CFAP299: variants seen among roughly 807,000 people sequenced by gnomAD.
CFAP299 encodes cilia- and flagella-associated protein 299.
Under a neutral mutation model 27.0 loss-of-function variants are expected in CFAP299, and 21 were observed. That is an observed-to-expected ratio of 0.78 (90% CI 0.55 to 1.12). The LOEUF (loss-of-function observed/expected upper bound fraction) is 1.12, where lower values mean the gene tolerates loss of function less well. CFAP299 is among the 50% of genes most tolerant of loss of function. CFAP299 has a pLI of 0.00. For synonymous variants in CFAP299, 104 were observed against 98.1 expected (o/e 1.06, Z -0.36); for missense variants, 310 against 276.6 (o/e 1.12, Z -0.86).
intron 3 of CFAP299, among the ~76,000 whole-genome samples, chr4:80,795,021 A>G (rs969916561): frequency 6.6e-6 from 1 of 152,074 alleles, no homozygotes; most frequent in Non-Finnish European, 1.5e-5. Flanking sequence ...CACTTTGTTC[A>G]TGGGCCCATT....
At chr4:80,561,089 C>G (rs546966144) in intron 2 of CFAP299, among the ~76,000 whole-genome samples, 1 of 152,112 alleles carries the variant, frequency 6.6e-6, no homozygotes, top group Non-Finnish European at 1.5e-5. Flanking sequence ...GTCACTCCAC[C>G]CCCAGCTTTA....
At chr4:80,717,055 T>C (rs1722527653) in intron 3 of CFAP299, among the ~76,000 whole-genome samples, 1 of 152,152 alleles carries the variant, frequency 6.6e-6, no homozygotes, top group South Asian at 2.1e-4. Context: ...GTAACCAATG[T>C]TGTGTAAAAT....
intron 3 of CFAP299, among the ~76,000 whole-genome samples, chr4:80,639,379 T>C (rs1253735883): frequency 6.6e-6 from 1 of 152,152 alleles, no homozygotes; most frequent in East Asian, 1.9e-4. Flanking sequence ...CATGGAGATG[T>C]TTTTTGGTGT....
intron 2 of CFAP299, among the ~76,000 whole-genome samples, chr4:80,465,545 A>G (rs188800412): frequency 1.4e-4 from 22 of 152,268 alleles, no homozygotes; most frequent in Middle Eastern, 3.4e-3. Context: ...ATGTGCTACA[A>G]CTTCCTATAT....
intron 2 of CFAP299, among the ~76,000 whole-genome samples, chr4:80,447,123 T>TTTTTTTG (rs1442806106): frequency 1.6e-5 from 2 of 122,206 alleles, no homozygotes; most frequent in African/African-American, 3.4e-5. Flanking sequence ...TTATTTGTTT[T>TTTTTTTG]TTTTTTGTTT....
At chr4:80,773,405 G>T (rs960459184) in intron 3 of CFAP299, among the ~76,000 whole-genome samples, 5 of 152,090 alleles carry the variant, frequency 3.3e-5, no homozygotes, top group African/African-American at 1.2e-4. Context: ...AGTCCTATTA[G>T]CCTATCCTAT....
chr4:80,490,569 A>G (rs191170164), intron 2 of CFAP299, among the ~76,000 whole-genome samples: 3 of 152,330 alleles, frequency 2.0e-5, no homozygotes, highest in Admixed American at 2.0e-4. Context: ...TAAATGCTGA[A>G]CCAATAGGGT....
intron 3 of CFAP299, among the ~76,000 whole-genome samples, chr4:80,787,216 TTA>T (rs1211711429): frequency 1.4e-5 from 2 of 147,926 alleles, no homozygotes; most frequent in African/African-American, 4.9e-5. Context: ...ATATAATATT[TTA>T]TATATATATA....
chr4:80,357,246 T>C (rs1578349882), intron 1 of CFAP299, among the ~76,000 whole-genome samples: 1 of 152,190 alleles, frequency 6.6e-6, no homozygotes, highest in East Asian at 1.9e-4. Flanking sequence ...TGTCAGTATT[T>C]TATTGAGGAT....
chr4:80,498,732 C>T (rs1475602891), intron 2 of CFAP299, among the ~76,000 whole-genome samples: 3 of 152,042 alleles, frequency 2.0e-5, no homozygotes, highest in Non-Finnish European at 4.4e-5. Flanking sequence ...ACTCAGCAAT[C>T]GGATTACAGG....
intron 3 of CFAP299, among the ~76,000 whole-genome samples, chr4:80,702,310 T>G (rs1319227731): frequency 6.6e-6 from 1 of 151,920 alleles, no homozygotes; most frequent in Non-Finnish European, 1.5e-5. Context: ...TTATTCATTT[T>G]GTTTTGCCTC....
intron 4 of CFAP299, among the ~76,000 whole-genome samples, chr4:80,882,625 G>T (rs76444873): frequency 0.028 from 4,117 of 147,466 alleles, 142 homozygotes; most frequent in East Asian, 0.15. Flanking sequence ...GCAAAAGAGC[G>T]AGACTCCGTC....
intron 3 of CFAP299, among the ~76,000 whole-genome samples, chr4:80,803,565 A>G (rs1452201846): frequency 2.0e-5 from 3 of 151,980 alleles, no homozygotes; most frequent in Non-Finnish European, 4.4e-5. Context: ...GGGGAAGTTT[A>G]CATTTATCTT....
intron 2 of CFAP299, among the ~76,000 whole-genome samples, chr4:80,528,486 T>G (rs887961883): frequency 3.3e-5 from 5 of 152,140 alleles, no homozygotes; most frequent in Non-Finnish European, 7.4e-5. Context: ...ATTCTCCAGC[T>G]GCCAGGATGA....
intron 3 of CFAP299, among the ~76,000 whole-genome samples, chr4:80,726,940 A>C (rs1256767101): frequency 2.6e-5 from 4 of 152,040 alleles, no homozygotes; most frequent in Non-Finnish European, 5.9e-5. Context: ...TTTTTCTTTT[A>C]GTTCACTAAT....
intron 3 of CFAP299, among the ~76,000 whole-genome samples, chr4:80,867,065 A>G (rs1732787520): frequency 6.6e-6 from 1 of 152,152 alleles, no homozygotes; most frequent in African/African-American, 2.4e-5. Context: ...ATGGCAGTGA[A>G]TTCATCAAGG....
chr4:80,777,498 C>CT lies in CFAP299; in HGVS notation c.334-92495_334-92494insT, dbSNP rs549465910. ...CTACTAACTCTCCCAAATTTCTCAGCCTGGCATACAGAGAAATATAAGTCA... is the reference window on the plus strand; with the variant it reads ...CTACTAACTCTCCCAAATTTCTCAGCTCTGGCATACAGAGAAATATAAGTCA... On this transcript the variant is annotated intron_variant, in intron 3 of 5. Transcript: ENST00000358105. Among the ~76,000 whole-genome samples the CT allele has an allele frequency of 1.1e-3, 165 of 152,180 alleles. 1 individual carries two copies. The highest frequency in any genetic ancestry group is 3.7e-3 in the African/African-American group (153 of 41,526).
Position 80,873,145 on chromosome 4 carries a change from A to C in CFAP299, c.476+3010A>C, listed in dbSNP as rs59196644. ...TTAATATAGCATATGGTAGTTAGGCAGTTGTTATTAGGGGAAAAAGTCCCT... is the reference window on the plus strand; with the variant it reads ...TTAATATAGCATATGGTAGTTAGGCCGTTGTTATTAGGGGAAAAAGTCCCT... On this transcript the variant is annotated intron_variant, in intron 4 of 5. Coordinates refer to ENST00000358105, the MANE Select transcript of CFAP299 (RefSeq NM_152770.3). 118 of 375,570 alleles carry C rather than the reference A, an allele frequency of 3.1e-4. 1 individual carries two copies. In the East Asian group the frequency reaches 0.018, roughly 56 times the overall value. The allele number at this position is 375,570 out of a possible 1,614,324, so 23.3% of individuals were successfully genotyped here.
Position 80,686,984 on chromosome 4 carries a change from C to T in CFAP299, c.333+103801C>T, listed in dbSNP as rs569486441. 8.5e-5 allele frequency among the ~76,000 whole-genome samples: 13 copies of T among 152,304 alleles called. No homozygotes were observed. The East Asian group carries it at 1.3e-3, about 16-fold the overall frequency. On this transcript the variant is annotated intron_variant, in intron 3 of 5. Transcript: ENST00000358105. Reference sequence around the variant, plus strand: ...TATATGTCAGTCTTATAAATTCCAACGGCAAATACTTTGCAAATGTTACTC... The same window carrying T: ...TATATGTCAGTCTTATAAATTCCAATGGCAAATACTTTGCAAATGTTACTC...
Sources: allele counts gnomAD v4.1 joint callset (sites outside exome capture counted in the v4.1 genomes callset), GRCh38; gene constraint gnomAD v4.1.1; transcripts MANE v1.5; gene names NCBI Gene and HGNC (gene_info 2026-07-23, HGNC 2026-07-21).